The following TAB2 variants were observed in gnomAD, a reference collection of about 807,000 sequenced individuals.
TAB2 encodes the protein TGF-beta activated kinase 1 (MAP3K7) binding protein 2.
Under a neutral mutation model 65.0 loss-of-function variants are expected in TAB2, and 3 were observed. The ratio of observed to expected loss-of-function variants is 0.05; its 90% confidence interval spans 0.02 to 0.12. The LOEUF is 0.12. Among genes scored for constraint, TAB2 ranks in the 10% least tolerant of loss-of-function variants. The pLI is 1.00. For missense variants in TAB2, 623 were observed against 840.3 expected (o/e 0.74, Z 3.20); for synonymous variants, 298 against 285.1 (o/e 1.05, Z -0.46).
chr6:149,318,275 G>GA (rs1282704666), intron 1 of TAB2, among the ~76,000 whole-genome samples: 7 of 151,722 alleles, frequency 4.6e-5, no homozygotes, highest in Non-Finnish European at 1.0e-4. Context: ...CGTCCGTGCG[G>GA]GGGGGGAGGG....
intron 3 of TAB2, among the ~76,000 whole-genome samples, chr6:149,395,259 A>G (rs994530441): frequency 1.3e-5 from 2 of 152,264 alleles, no homozygotes; most frequent in Non-Finnish European, 2.9e-5. Context: ...CATATAGCTG[A>G]GGTTTTACAA....
chr6:149,268,574 G>T (rs1314958209), intron 1 of TAB2, among the ~76,000 whole-genome samples: 1 of 152,182 alleles, frequency 6.6e-6, no homozygotes. Context: ...TAAATTCTCG[G>T]AGCAATTGGA....
intron 1 of TAB2, among the ~76,000 whole-genome samples, chr6:149,278,539 T>G (rs1778517230): frequency 6.6e-6 from 1 of 152,278 alleles, no homozygotes; most frequent in Middle Eastern, 3.4e-3. Context: ...CAGAGAGAAC[T>G]TTGATGAAGA....
chr6:149,382,020 A>G (rs1166134177), intron 3 of TAB2, among the ~76,000 whole-genome samples: 5 of 152,188 alleles, frequency 3.3e-5, no homozygotes, highest in Non-Finnish European at 7.4e-5. Context: ...TGTTAAAAAT[A>G]TGCATCAGAT....
chr6:149,408,264 G>A (rs936355664), intron 6 of TAB2, among the ~76,000 whole-genome samples: 1 of 151,936 alleles, frequency 6.6e-6, no homozygotes, highest in Non-Finnish European at 1.5e-5. Flanking sequence ...GACTTAATTC[G>A]ATGTTTGTTT....
intron 1 of TAB2, among the ~76,000 whole-genome samples, chr6:149,363,733 C>T (rs975384559): frequency 9.9e-5 from 15 of 152,138 alleles, no homozygotes; most frequent in Admixed American, 2.6e-4. Context: ...TTTTAATTAA[C>T]GCCAGTACCA....
chr6:149,276,205 G>T (rs1778470739), intron 1 of TAB2, among the ~76,000 whole-genome samples: 1 of 152,074 alleles, frequency 6.6e-6, no homozygotes, highest in African/African-American at 2.4e-5. Flanking sequence ...GAAGGCTCTT[G>T]GGTTTATTTT....
At chr6:149,311,611 AG>A (rs1779168312) in intron 1 of TAB2, among the ~76,000 whole-genome samples, 1 of 152,154 alleles carries the variant, frequency 6.6e-6, no homozygotes, top group Admixed American at 6.5e-5. Flanking sequence ...CCCTATCTTT[AG>A]TTGTGAATTG....
intron 1 of TAB2, among the ~76,000 whole-genome samples, chr6:149,357,428 A>ACACACACAC (rs1223441586): frequency 1.7e-3 from 113 of 65,578 alleles, no homozygotes; most frequent in African/African-American, 5.9e-3. Context: ...GGAGAAAAAA[A>ACACACACAC]AAACACACAC....
At chr6:149,275,220 AG>A (rs1347318540) in intron 1 of TAB2, among the ~76,000 whole-genome samples, 1 of 74,448 alleles carries the variant, frequency 1.3e-5, no homozygotes, top group Non-Finnish European at 2.4e-5. Context: ...TGGGCGGGGG[AG>A]GGGGGAGAGA....
chr6:149,290,377 G>A (rs1009796579), intron 1 of TAB2, among the ~76,000 whole-genome samples: 17 of 152,106 alleles, frequency 1.1e-4, no homozygotes, highest in South Asian at 4.2e-4. Flanking sequence ...CCTTCACCCC[G>A]CACATTCTCT....
rs530579360 is a variant in TAB2, at chr6:149,300,915, T to C, written c.-120-77103T>C. Among the ~76,000 whole-genome samples, 14 of 152,354 alleles carry C rather than the reference T, an allele frequency of 9.2e-5. 1 individual carries two copies. The South Asian group carries it at 2.7e-3, about 29-fold the overall frequency. ...TCCTGACTCAGCTACTCAAGCGTAT[T>C]GGATTCAACTTGGCAAAAATGAACC... On this transcript the variant is annotated intron_variant, in intron 1 of 1. Coordinates refer to the TAB2 transcript ENST00000606202.
At chr6:149,259,690 G>A (rs1477323044) in intron 1 of TAB2, among the ~76,000 whole-genome samples, 1 of 152,076 alleles carries the variant, frequency 6.6e-6, no homozygotes, top group African/African-American at 2.4e-5. Flanking sequence ...AGAGCCTGAA[G>A]GTGTAAAATG....
At chr6:149,255,754 T>C (rs1333606690) in intron 1 of TAB2, among the ~76,000 whole-genome samples, 1 of 152,256 alleles carries the variant, frequency 6.6e-6, no homozygotes, top group Non-Finnish European at 1.5e-5. Flanking sequence ...AAAATTGCTA[T>C]GTATATGAGC....
chr6:149,377,531 C>G (rs988709249), intron 2 of TAB2, among the ~76,000 whole-genome samples: 5 of 152,164 alleles, frequency 3.3e-5, no homozygotes, highest in African/African-American at 1.2e-4. Context: ...ACTTTAAATG[C>G]TACAAATGTA....
chr6:149,322,162 C>T (rs776015353), intron 1 of TAB2, among the ~76,000 whole-genome samples: 11 of 151,860 alleles, frequency 7.2e-5, no homozygotes, highest in Admixed American at 2.0e-4. Context: ...CTGGAGGTGC[C>T]GTATTGAAGA....
At chr6:149,331,590 G>A (rs1779787268) in intron 1 of TAB2, among the ~76,000 whole-genome samples, 1 of 152,082 alleles carries the variant, frequency 6.6e-6, no homozygotes. Flanking sequence ...AGTGGTGGGA[G>A]CTGACAAGCT....
At position 149,410,194 on chromosome 6, in the gene TAB2, G is replaced by A. The variant is rs1306520752; in HGVS notation, c.*475G>A. On this transcript the variant is annotated 3_prime_UTR_variant, in exon 7 of 7. Coordinates refer to ENST00000637181, the MANE Select transcript of TAB2 (RefSeq NM_001292034.3). ...GCTGCCGCATAGTGCCATTGGATAGGGAAGAACTTCAGAAATCTGTGGTAC... is the reference window on the plus strand; with the variant it reads ...GCTGCCGCATAGTGCCATTGGATAGAGAAGAACTTCAGAAATCTGTGGTAC... 2 of 174,088 alleles carry A rather than the reference G, an allele frequency of 1.1e-5. No individual in the cohort carries two copies. The highest frequency in any genetic ancestry group is 5.7e-5 in the Admixed American group (1 of 17,612). The allele number at this position is 174,088 out of a possible 1,614,324, so 10.8% of individuals were successfully genotyped here.
chr6:149,273,041 G>T (rs188560829), intron 1 of TAB2, among the ~76,000 whole-genome samples: 2 of 151,080 alleles, frequency 1.3e-5, no homozygotes, highest in Non-Finnish European at 2.9e-5. Context: ...CGCACCCTTC[G>T]CCCCATGTCC....
Sources: allele counts gnomAD v4.1 joint callset (sites outside exome capture counted in the v4.1 genomes callset), GRCh38; gene constraint gnomAD v4.1.1; transcripts MANE v1.5; gene names NCBI Gene and HGNC (gene_info 2026-07-23, HGNC 2026-07-21).